The following PLXDC2 variants were observed in gnomAD, a reference collection of about 807,000 sequenced individuals.
PLXDC2 encodes the protein plexin domain-containing protein 2.
A neutral mutation model predicts 68.9 loss-of-function variants in PLXDC2; 40 were observed. That is an observed-to-expected ratio of 0.58 (90% CI 0.45 to 0.76). The LOEUF is 0.76. Among genes scored for constraint, PLXDC2 ranks in the 30% least tolerant of loss-of-function variants. The probability of loss-of-function intolerance (pLI) is 0.00; values close to 1 mark genes in which losing one functional copy is unlikely to be tolerated. For missense variants in PLXDC2, 644 were observed against 661.9 expected, an observed-to-expected ratio of 0.97 and a Z score of 0.30; for synonymous variants, 243 against 234.2, an observed-to-expected ratio of 1.04 and a Z score of -0.34.
At chr10:20,086,362 A>AT (rs143204606) in intron 4 of PLXDC2, among the ~76,000 whole-genome samples, 30,393 of 147,420 alleles carry the variant, frequency 0.21, 3,731 homozygotes, top group African/African-American at 0.35. Context: ...TTATTTTTTA[A>AT]TTTTTTTTTT....
intron 6 of PLXDC2, among the ~76,000 whole-genome samples, 180 bp from the exon 7 acceptor site, chr10:20,164,288 C>T (rs1834343627): frequency 6.6e-6 from 1 of 152,130 alleles, no homozygotes; most frequent in Non-Finnish European, 1.5e-5. Flanking sequence ...CATTCAATAG[C>T]ACTAAACTGA....
intron 1 of PLXDC2, among the ~76,000 whole-genome samples, chr10:19,852,698 G>A (rs1364331440): frequency 6.6e-6 from 1 of 152,094 alleles, no homozygotes; most frequent in Non-Finnish European, 1.5e-5. Flanking sequence ...CCAAATGGAT[G>A]ATATCGTGGA....
intron 4 of PLXDC2, among the ~76,000 whole-genome samples, chr10:20,116,124 A>G (rs1423134643): frequency 2.0e-5 from 3 of 152,206 alleles, no homozygotes; most frequent in Non-Finnish European, 4.4e-5. Context: ...TCAATCACAA[A>G]AGACCTTGCA....
intron 2 of PLXDC2, among the ~76,000 whole-genome samples, chr10:20,017,828 A>G (rs182360821): frequency 1.2e-4 from 19 of 152,350 alleles, no homozygotes; most frequent in African/African-American, 4.6e-4. Context: ...ATGCAGGTAA[A>G]TAGTTCCGGT....
chr10:19,883,869 C>T (rs1395299688), intron 1 of PLXDC2, among the ~76,000 whole-genome samples: 1 of 97,988 alleles, frequency 1.0e-5, no homozygotes, highest in South Asian at 3.8e-4. Context: ...ATTACTGTCT[C>T]CAGATCCCTT....
At chr10:20,103,529 G>C (rs1024127736) in intron 4 of PLXDC2, among the ~76,000 whole-genome samples, 1 of 151,900 alleles carries the variant, frequency 6.6e-6, no homozygotes, top group Admixed American at 6.6e-5. Flanking sequence ...TTGTAAAGGG[G>C]TGCAGAGGAA....
intron 2 of PLXDC2, among the ~76,000 whole-genome samples, chr10:20,022,189 T>G (rs1015524412): frequency 6.6e-6 from 1 of 152,214 alleles, no homozygotes; most frequent in Non-Finnish European, 1.5e-5. Flanking sequence ...GTTAAAGCAA[T>G]AAGGTTCCTA....
At chr10:19,861,128 G>A (rs1269595143) in intron 1 of PLXDC2, among the ~76,000 whole-genome samples, 2 of 151,168 alleles carry the variant, frequency 1.3e-5, no homozygotes, top group African/African-American at 2.4e-5. Flanking sequence ...TCTGCCTCCC[G>A]GGTTCAAGTG....
chr10:19,858,707 T>G (rs1837262105), intron 1 of PLXDC2, among the ~76,000 whole-genome samples: 1 of 151,942 alleles, frequency 6.6e-6, no homozygotes, highest in South Asian at 2.1e-4. Flanking sequence ...TAGTGAGTAT[T>G]TGCATTGTAG....
intron 6 of PLXDC2, among the ~76,000 whole-genome samples, chr10:20,148,292 C>A (rs1021044548): frequency 2.8e-5 from 4 of 144,962 alleles, no homozygotes; most frequent in African/African-American, 5.1e-5. Context: ...TGGTTGATTT[C>A]TTTGTTATAT....
chr10:20,273,396 C>G (rs547056339), intron 13 of PLXDC2, among the ~76,000 whole-genome samples: 2 of 152,004 alleles, frequency 1.3e-5, no homozygotes, highest in Non-Finnish European at 2.9e-5. Context: ...ATGCTGTCTT[C>G]TAGAGGAGGA....
chr10:20,003,312 A>C (rs980060666), intron 2 of PLXDC2, among the ~76,000 whole-genome samples: 1 of 152,172 alleles, frequency 6.6e-6, no homozygotes. Flanking sequence ...TTCAGCAGAG[A>C]TATAAAGGCA....
intron 4 of PLXDC2, among the ~76,000 whole-genome samples, chr10:20,116,349 G>C (rs561001628): frequency 1.2e-3 from 178 of 152,294 alleles, no homozygotes; most frequent in African/African-American, 4.1e-3. Flanking sequence ...AGGAGATGTA[G>C]TGTTGTTATT....
At chr10:20,263,315 T>G (rs1313450352) in intron 13 of PLXDC2, among the ~76,000 whole-genome samples, 2 of 152,120 alleles carry the variant, frequency 1.3e-5, no homozygotes, top group Non-Finnish European at 2.9e-5. Flanking sequence ...ATCCACCAGA[T>G]TGAAGCTGGA....
intron 9 of PLXDC2, among the ~76,000 whole-genome samples, chr10:20,186,608 T>A (rs1015238735): frequency 3.9e-5 from 6 of 151,908 alleles, no homozygotes; most frequent in Non-Finnish European, 8.8e-5. Context: ...GTTGTTCCCC[T>A]CTTTGTGTTC....
chr10:20,066,346 T>C (rs1836211730), intron 3 of PLXDC2, among the ~76,000 whole-genome samples: 1 of 152,230 alleles, frequency 6.6e-6, no homozygotes, highest in African/African-American at 2.4e-5. Context: ...TTTTGGTTGA[T>C]ATTTGGTGGT....
At chr10:20,258,408 T>TTCCC (rs1835770178) in intron 13 of PLXDC2, among the ~76,000 whole-genome samples, 1 of 152,208 alleles carries the variant, frequency 6.6e-6, no homozygotes, top group African/African-American at 2.4e-5. Flanking sequence ...TCACTCTTGC[T>TTCCC]ACTTACTCTG....
rs186684334 is a variant in PLXDC2, at chr10:20,214,880, C to A, written c.1123-2546C>A. Reference sequence around the variant, plus strand: ...AAGAGAGAATAATATATGGCAAGTTCCATTCTATACTCCTTGAGTTTGAGA... The same window carrying A: ...AAGAGAGAATAATATATGGCAAGTTACATTCTATACTCCTTGAGTTTGAGA... On this transcript the variant is annotated intron_variant, in intron 10 of 13. Coordinates refer to ENST00000377252, the MANE Select transcript of PLXDC2 (RefSeq NM_032812.9). Among the ~76,000 whole-genome samples the A allele has an allele frequency of 5.9e-5, 9 of 152,198 alleles. No individual in the cohort carries two copies. In the East Asian group the frequency reaches 1.7e-3, roughly 29 times the overall value.
chr10:19,867,064 C>CTTTTTTT (rs61651939), intron 1 of PLXDC2, among the ~76,000 whole-genome samples: 1 of 124,736 alleles, frequency 8.0e-6, no homozygotes, highest in African/African-American at 3.0e-5. Context: ...TCCTTTCCCT[C>CTTTTTTT]TTTTTTTTTT....
Sources: allele counts gnomAD v4.1 joint callset (sites outside exome capture counted in the v4.1 genomes callset), GRCh38; gene constraint gnomAD v4.1.1; transcripts MANE v1.5; gene names NCBI Gene and HGNC (gene_info 2026-07-23, HGNC 2026-07-21).